TUSC3: variants seen among roughly 807,000 people sequenced by gnomAD.
The protein encoded by TUSC3 is tumor suppressor candidate 3, also known as dolichyl-diphosphooligosaccharide--protein glycosyltransferase subunit TUSC3.
A neutral mutation model predicts 44.8 loss-of-function variants in TUSC3; 45 were observed. The observed-to-expected ratio is 1.00, with a 90% confidence interval of 0.79 to 1.29. The LOEUF (loss-of-function observed/expected upper bound fraction) is 1.29. Ranked by LOEUF, TUSC3 falls within the 50% of genes most tolerant of loss-of-function variation. The pLI is 0.00. For missense variants in TUSC3, 519 were observed against 437.9 expected (o/e 1.19, Z -1.65); for synonymous variants, 212 against 152.9 (o/e 1.39, Z -2.85).
downstream of TUSC3, among the ~76,000 whole-genome samples, chr8:15,770,383 G>A (rs1293247227): frequency 1.3e-5 from 2 of 152,084 alleles, no homozygotes; most frequent in African/African-American, 4.8e-5. Context: ...ACACGGAGGG[G>A]AACATCACAC....
intron 2 of TUSC3, among the ~76,000 whole-genome samples, chr8:15,505,284 G>A (rs553828859): frequency 1.3e-5 from 2 of 152,248 alleles, no homozygotes; most frequent in African/African-American, 4.8e-5. Flanking sequence ...AAACTGCACT[G>A]TCAATTGTCA....
the TUSC3 span, among the ~76,000 whole-genome samples, chr8:15,835,072 T>A: frequency 1.3e-5 from 2 of 152,162 alleles, no homozygotes; most frequent in African/African-American, 4.8e-5. Context: ...CATAAACAAT[T>A]TTTTGGGGGA....
At chr8:15,541,219 C>T (rs1239827858) in intron 1 of TUSC3, among the ~76,000 whole-genome samples, 1 of 152,190 alleles carries the variant, frequency 6.6e-6, no homozygotes, top group East Asian at 1.9e-4. Flanking sequence ...GAAGTTCATT[C>T]AATCTGATTT....
At chr8:15,490,267 G>T (rs919885326) in intron 2 of TUSC3, among the ~76,000 whole-genome samples, 2 of 152,156 alleles carry the variant, frequency 1.3e-5, no homozygotes, top group African/African-American at 4.8e-5. Context: ...TTACCAGAGG[G>T]CAGGAGACAG....
chr8:15,622,975 G>C, intron 1 of TUSC3, 105 bp from the exon 2 acceptor site: 1 of 1,124,736 alleles, frequency 8.9e-7, no homozygotes, highest in Non-Finnish European at 1.3e-6. Flanking sequence ...TATAAACTTG[G>C]ATATCATTAG....
chr8:15,547,355 A>G (rs564279514), intron 1 of TUSC3, among the ~76,000 whole-genome samples: 1 of 151,724 alleles, frequency 6.6e-6, no homozygotes, highest in Non-Finnish European at 1.5e-5. Flanking sequence ...CTGCTTGGAA[A>G]CAGCAAACCA....
chr8:15,679,767 T>A (rs1337449018), intron 6 of TUSC3, among the ~76,000 whole-genome samples: 4 of 152,150 alleles, frequency 2.6e-5, no homozygotes, highest in African/African-American at 9.6e-5. Flanking sequence ...TAATTTTGTA[T>A]ATATGGAAAG....
intron 1 of TUSC3, among the ~76,000 whole-genome samples, chr8:15,448,117 A>ATATTTATT (rs56345796): frequency 2.5e-4 from 23 of 93,668 alleles, no homozygotes; most frequent in East Asian, 8.2e-4. Context: ...ACATATATAT[A>ATATTTATT]TATTTATTTA....
At chr8:15,529,634 A>G (rs1585077419) in intron 2 of TUSC3, among the ~76,000 whole-genome samples, 2 of 152,036 alleles carry the variant, frequency 1.3e-5, no homozygotes, top group Admixed American at 6.6e-5. Context: ...TAACGTATCA[A>G]TATGTTTAGA....
chr8:15,824,026 T>G, the TUSC3 span, among the ~76,000 whole-genome samples: 1 of 151,898 alleles, frequency 6.6e-6, no homozygotes, highest in Non-Finnish European at 1.5e-5. Flanking sequence ...TCTCAAAAAA[T>G]TTTTTAAATT....
At position 15,570,265 on chromosome 8, in the gene TUSC3, T is replaced by TACACACACACACAC. The variant is rs3070896; in HGVS notation, c.138+29722_138+29735dup. Among the ~76,000 whole-genome samples, 90 of 148,060 alleles carry TACACACACACACAC rather than the reference T, an allele frequency of 6.1e-4. 1 individual carries two copies. The highest frequency in any genetic ancestry group is 9.8e-4 in the Non-Finnish European group (66 of 67,014). The stretch of plus-strand genomic sequence containing the variant: ...AGCAACCTTGTTTTATAATGTATTT[T>TACACACACACACAC]ACACACACACACACACACACACACA... On this transcript the variant is annotated intron_variant, in intron 1 of 10. Transcript: ENST00000503731.
intron 1 of TUSC3, among the ~76,000 whole-genome samples, chr8:15,575,242 A>G (rs182982420): frequency 6.6e-6 from 1 of 152,230 alleles, no homozygotes; most frequent in African/African-American, 2.4e-5. Context: ...TTGATTTTTA[A>G]CACTTTGTTT....
At chr8:15,528,186 G>GAAA (rs1801401037) in intron 2 of TUSC3, among the ~76,000 whole-genome samples, 1 of 151,958 alleles carries the variant, frequency 6.6e-6, no homozygotes, top group Non-Finnish European at 1.5e-5. Flanking sequence ...CTCAGCATTT[G>GAAA]TGGTGTTTGA....
chr8:15,725,945 C>G (rs1205672688), intron 6 of TUSC3, among the ~76,000 whole-genome samples: 1 of 152,106 alleles, frequency 6.6e-6, no homozygotes, highest in African/African-American at 2.4e-5. Flanking sequence ...AATTGAATGG[C>G]TATTATTAAC....
At chr8:15,652,660 C>G (rs1585195614) in intron 3 of TUSC3, among the ~76,000 whole-genome samples, 1 of 151,712 alleles carries the variant, frequency 6.6e-6, no homozygotes, top group African/African-American at 2.4e-5. Flanking sequence ...CTGTAAGAAC[C>G]AAATATTATT....
At chr8:15,653,607 C>A (rs1807017351) in intron 3 of TUSC3, among the ~76,000 whole-genome samples, 1 of 152,098 alleles carries the variant, frequency 6.6e-6, no homozygotes, top group Non-Finnish European at 1.5e-5. Flanking sequence ...ACTGCCTTGT[C>A]TTTCCCAAAA....
intron 2 of TUSC3, among the ~76,000 whole-genome samples, chr8:15,648,907 A>G (rs941908498): frequency 5.3e-5 from 8 of 151,768 alleles, no homozygotes; most frequent in Non-Finnish European, 1.2e-4. Context: ...GACTTGGGGG[A>G]TAGAGAACTA....
At chr8:15,611,626 T>C (rs1345603851) in intron 1 of TUSC3, among the ~76,000 whole-genome samples, 1 of 152,220 alleles carries the variant, frequency 6.6e-6, no homozygotes, top group Non-Finnish European at 1.5e-5. Flanking sequence ...GTGTGTGCTG[T>C]ATGCATTTTA....
chr8:15,629,113 G>A (rs1022495761), intron 2 of TUSC3, among the ~76,000 whole-genome samples: 10 of 152,242 alleles, frequency 6.6e-5, no homozygotes, highest in African/African-American at 2.4e-4. Flanking sequence ...CATGATTTTC[G>A]ATGGTATAAA....
Sources: allele counts gnomAD v4.1 joint callset (sites outside exome capture counted in the v4.1 genomes callset), GRCh38; gene constraint gnomAD v4.1.1; transcripts MANE v1.5; gene names NCBI Gene and HGNC (gene_info 2026-07-23, HGNC 2026-07-21).